The following ASAP2 variants were observed in gnomAD, a reference collection of about 807,000 sequenced individuals.
The protein encoded by ASAP2 is arf-GAP with SH3 domain, ANK repeat and PH domain-containing protein 2.
ASAP2 carries 45 observed loss-of-function variants against 131.4 expected under a neutral mutation model. The observed-to-expected ratio is 0.34, with a 90% CI of 0.27 to 0.44. ASAP2 has a LOEUF of 0.44. Among genes scored for constraint, ASAP2 ranks in the 20% least tolerant of loss-of-function variants. The pLI is 1.00. For synonymous variants in ASAP2, 510 were observed against 503.0 expected, an observed-to-expected ratio of 1.01 and a Z score of -0.19; for missense variants, 1,011 against 1,297.0, an observed-to-expected ratio of 0.78 and a Z score of 3.39.
At chr2:9,236,305 C>T (rs940377863) in intron 1 of ASAP2, among the ~76,000 whole-genome samples, 10 of 152,064 alleles carry the variant, frequency 6.6e-5, no homozygotes, top group African/African-American at 1.7e-4. Context: ...AAGATCATTT[C>T]GGGCCACTTG....
At chr2:9,343,257 A>G (rs1379732479) in intron 9 of ASAP2, among the ~76,000 whole-genome samples, 2 of 152,186 alleles carry the variant, frequency 1.3e-5, no homozygotes, top group African/African-American at 4.8e-5. Flanking sequence ...CCATTATGGA[A>G]TGAACTGGAT....
intron 1 of ASAP2, among the ~76,000 whole-genome samples, chr2:9,239,768 G>A (rs1045881885): frequency 7.9e-5 from 12 of 151,718 alleles, no homozygotes; most frequent in African/African-American, 2.2e-4. Flanking sequence ...TCACTGTGTC[G>A]CCCAGGCTGG....
chr2:9,349,607 G>A (rs969497221), intron 11 of ASAP2, among the ~76,000 whole-genome samples: 1 of 152,214 alleles, frequency 6.6e-6, no homozygotes, highest in Admixed American at 6.5e-5. Flanking sequence ...AGATTATGGA[G>A]AATATCTGAC....
At chr2:9,402,031 G>A (rs954761115) in intron 27 of ASAP2, among the ~76,000 whole-genome samples, 4 of 152,276 alleles carry the variant, frequency 2.6e-5, no homozygotes, top group African/African-American at 4.8e-5. Context: ...AATGGGGCGT[G>A]GACAGAAAGC....
chr2:9,218,176 C>G (rs1662186639), intron 1 of ASAP2, among the ~76,000 whole-genome samples: 1 of 152,120 alleles, frequency 6.6e-6, no homozygotes, highest in Non-Finnish European at 1.5e-5. Context: ...TCCTGCTGGG[C>G]TCTCTGTTGC....
At chr2:9,375,971 C>CA (rs1674369693) in intron 17 of ASAP2, among the ~76,000 whole-genome samples, 1 of 152,236 alleles carries the variant, frequency 6.6e-6, no homozygotes, top group African/African-American at 2.4e-5. Flanking sequence ...AACATACCAG[C>CA]ACCCAAGTGG....
rs386642992 is a variant in ASAP2 at position 9,387,077 on chromosome 2, G to GC, written c.2131-1217_2131-1216insC. 2.4e-3 allele frequency among the ~76,000 whole-genome samples: 359 copies of GC among 148,628 alleles called. 12 individuals carry two copies. Among genetic ancestry groups the GC allele is most frequent in the African/African-American group, 8.5e-3 (337 of 39,718 alleles). On this transcript the variant is annotated intron_variant, in intron 21 of 27. Transcript: ENST00000281419. ...AAAAATTAGCCGGGCTTGGTGGTGG[G>GC]TGGGGGGGCGCCTGTAGTCCCAGCT...
chr2:9,309,760 A>G (rs190514314), intron 3 of ASAP2, among the ~76,000 whole-genome samples: 2 of 152,362 alleles, frequency 1.3e-5, no homozygotes, highest in African/African-American at 4.8e-5. Context: ...GAGTCTAGCA[A>G]GTCTCTAGCC....
chr2:9,286,441 A>ATATATATATATATATATATATATATATAT (rs1175112143), intron 2 of ASAP2, among the ~76,000 whole-genome samples: 1 of 130,120 alleles, frequency 7.7e-6, no homozygotes, highest in African/African-American at 3.2e-5. Context: ...AAAAAGGAAA[A>ATATATATATATATATATATATATATATAT]AAAAAAATAT....
chr2:9,269,969 G>A (rs1010560818), intron 1 of ASAP2, among the ~76,000 whole-genome samples: 34 of 152,122 alleles, frequency 2.2e-4, no homozygotes, highest in African/African-American at 7.5e-4. Flanking sequence ...GAGGCCCCTC[G>A]GTAACTTGAG....
intron 18 of ASAP2, among the ~76,000 whole-genome samples, chr2:9,378,121 G>A (rs1360219012): frequency 1.3e-5 from 2 of 152,138 alleles, no homozygotes; most frequent in Non-Finnish European, 2.9e-5. Flanking sequence ...TGGTGAAAAA[G>A]AAACTCCTTT....
chr2:9,262,191 A>G (rs1366340098), intron 1 of ASAP2, among the ~76,000 whole-genome samples: 1 of 152,178 alleles, frequency 6.6e-6, no homozygotes, highest in Non-Finnish European at 1.5e-5. Flanking sequence ...AAAAAAATGT[A>G]TTAGTGGAAA....
In ASAP2 at chr2:9,252,733, G is replaced by A. The variant is rs530953703; in HGVS notation, c.127-26584G>A. On this transcript the variant is annotated intron_variant, in intron 1 of 27. Transcript: ENST00000281419. ...GATCGAGACCATCCTGGCTAACACGGTGAAACCCTGTCTCTACTAAAAATA... is the reference window on the plus strand; with the variant it reads ...GATCGAGACCATCCTGGCTAACACGATGAAACCCTGTCTCTACTAAAAATA... Among the ~76,000 whole-genome samples the A allele has an allele frequency of 2.4e-3, 364 of 152,084 alleles. 1 individual carries two copies. Among genetic ancestry groups the A allele is most frequent in the African/African-American group, 8.2e-3 (341 of 41,512 alleles).
At chr2:9,298,613 G>T (rs1346048915) in intron 3 of ASAP2, among the ~76,000 whole-genome samples, 3 of 152,198 alleles carry the variant, frequency 2.0e-5, no homozygotes. Flanking sequence ...CCATGCCCTG[G>T]ACACTGGCAG....
At chr2:9,377,920 G>A (rs73150926) in intron 18 of ASAP2, among the ~76,000 whole-genome samples, 243 of 152,146 alleles carry the variant, frequency 1.6e-3, no homozygotes, top group African/African-American at 5.4e-3. Context: ...GTGCCAGCCC[G>A]GCTCCTAGAA....
At chr2:9,258,332 G>GTTTTTTTT (rs769009726) in intron 1 of ASAP2, among the ~76,000 whole-genome samples, 1 of 112,546 alleles carries the variant, frequency 8.9e-6, no homozygotes, top group African/African-American at 3.8e-5. Flanking sequence ...GTAATCAGTA[G>GTTTTTTTT]TTGTTTTTTT....
intron 15 of ASAP2, among the ~76,000 whole-genome samples, chr2:9,361,661 G>A (rs1189233188): frequency 2.0e-5 from 3 of 151,946 alleles, no homozygotes; most frequent in Non-Finnish European, 4.4e-5. Flanking sequence ...TCTGCCTCCT[G>A]GGTTCAAGCA....
intron 3 of ASAP2, among the ~76,000 whole-genome samples, chr2:9,305,980 G>A (rs566953250): frequency 1.1e-4 from 17 of 151,144 alleles, no homozygotes; most frequent in Non-Finnish European, 2.2e-4. Flanking sequence ...GTAGTAGTGG[G>A]GTATAGATAT....
In ASAP2 at chr2:9,344,731, G is replaced by T. The variant is rs763918419; in HGVS notation, c.954G>T (p.Gly318=). The T allele has an allele frequency of 6.2e-7, 1 of 1,614,128 alleles. No individual in the cohort carries two copies. Residue 318 remains glycine, a splice_region_variant and synonymous_variant, in exon 11 of 28, where the codon GGG becomes GGT. Transcript: ENST00000281419. ...RNGSLYKKSD[G]IRKVWQKRKC... is the part of the protein sequence containing the mutation. ...ATTGTTTCTCCCACTTATCCACAAG[G>T]ATCCGAAAAGTGTGGCAGAAAAGGA...
Sources: allele counts gnomAD v4.1 joint callset (sites outside exome capture counted in the v4.1 genomes callset), GRCh38; gene constraint gnomAD v4.1.1; transcripts MANE v1.5; gene names NCBI Gene and HGNC (gene_info 2026-07-23, HGNC 2026-07-21).